Variants in COL4A4 observed in about 807,000 individuals in gnomAD.
COL4A4 encodes the protein collagen alpha-4(IV) chain.
COL4A4 carries 105 observed loss-of-function variants against 192.9 expected under a neutral mutation model. The observed-to-expected ratio is 0.54, with a 90% CI of 0.46 to 0.64. The LOEUF (loss-of-function observed/expected upper bound fraction) is 0.64. COL4A4 is among the 30% of genes least tolerant of loss of function. The pLI is 0.00. For synonymous variants in COL4A4, 762 were observed against 769.9 expected, an observed-to-expected ratio of 0.99 and a Z score of 0.17; for missense variants, 1,967 against 2,169.3, an observed-to-expected ratio of 0.91 and a Z score of 1.85.
chr2:227,157,849 T>G (rs2064478067), intron 1 of COL4A4, among the ~76,000 whole-genome samples: 3 of 151,992 alleles, frequency 2.0e-5, no homozygotes, highest in Non-Finnish European at 4.4e-5. Flanking sequence ...ATAATACCAG[T>G]TTTTTTATAT....
At chr2:227,162,503 A>T (rs2064921262) in intron 1 of COL4A4, among the ~76,000 whole-genome samples, 1 of 152,218 alleles carries the variant, frequency 6.6e-6, no homozygotes, top group Non-Finnish European at 1.5e-5. Context: ...ATTCCACAAG[A>T]GTGGCAGAAG....
intron 37 of COL4A4, among the ~76,000 whole-genome samples, chr2:227,037,347 G>T (rs2150030456): frequency 6.6e-6 from 1 of 152,238 alleles, no homozygotes; most frequent in East Asian, 1.9e-4. Flanking sequence ...TTGGTTTTCT[G>T]TTCCTGTGTT....
chr2:227,118,541 C>T, intron 7 of COL4A4, 104 bp downstream of exon 7: 1 of 901,734 alleles, frequency 1.1e-6, no homozygotes. Context: ...GACAATGCTC[C>T]AGGCACACTT....
At chr2:227,083,868 G>A (rs1328562604) in intron 22 of COL4A4, among the ~76,000 whole-genome samples, 1 of 152,144 alleles carries the variant, frequency 6.6e-6, no homozygotes, top group Non-Finnish European at 1.5e-5. Flanking sequence ...AGTGGAGATG[G>A]GCACAGTGGC....
In COL4A4 at chr2:227,007,182, C is replaced by T. The variant is rs1483299583; in HGVS notation, c.*143G>A. 8.4e-7 allele frequency: 1 copy of T among 1,186,524 alleles called. No individual in the cohort carries two copies. The highest frequency in any genetic ancestry group is 1.3e-6 in the Non-Finnish European group (1 of 795,114). 73.5% of individuals were successfully genotyped at this position (1,186,524 alleles called of 1,614,324 possible). ...GCTTAATGTGTAAGGAACCAGAGGACTCTGGGAATAACCACGACAAAACAG... is the reference window on the plus strand; with the variant it reads ...GCTTAATGTGTAAGGAACCAGAGGATTCTGGGAATAACCACGACAAAACAG... On this transcript the variant is annotated 3_prime_UTR_variant, in exon 48 of 48. Transcript: ENST00000396625.
downstream of COL4A4, chr2:226,997,789 TTATAAA>T (rs1435808594): frequency 6.6e-6 from 1 of 152,226 alleles, no homozygotes; most frequent in Non-Finnish European, 1.5e-5. Flanking sequence ...GTCATTTTAG[TTATAAA>T]TGTAAACCAA....
At position 227,140,384 on chromosome 2, in the gene COL4A4, T is replaced by C. The variant is rs1027719045; in HGVS notation, c.115-146A>G. 3 of 707,278 alleles carry C rather than the reference T, an allele frequency of 4.2e-6. No individual in the cohort carries two copies. In the African/African-American group the frequency reaches 5.3e-5, roughly 13 times the overall value. The allele number at this position is 707,278 out of a possible 1,614,324, so 43.8% of individuals were successfully genotyped here. ...CATGACATATAAAAAGATGAAGAACTTACACAGTAGCTTAATAATAAGGAG... is the reference window on the plus strand; with the variant it reads ...CATGACATATAAAAAGATGAAGAACCTACACAGTAGCTTAATAATAAGGAG... On this transcript the variant is annotated intron_variant, in intron 3 of 47. Transcript: ENST00000396625.
intron 37 of COL4A4, among the ~76,000 whole-genome samples, chr2:227,035,683 TC>T (rs1179352054): frequency 6.6e-6 from 1 of 152,194 alleles, no homozygotes; most frequent in East Asian, 1.9e-4. Flanking sequence ...ACACAGACCT[TC>T]TTTATCTGCC....
chr2:227,064,468 A>G (rs1465308095), intron 25 of COL4A4, among the ~76,000 whole-genome samples: 1 of 152,238 alleles, frequency 6.6e-6, no homozygotes, highest in Non-Finnish European at 1.5e-5. Flanking sequence ...AATTTGAGGC[A>G]GTTATTGAGG....
downstream of COL4A4, among the ~76,000 whole-genome samples, chr2:227,001,505 C>T (rs1960952425): frequency 6.6e-6 from 1 of 152,182 alleles, no homozygotes. Flanking sequence ...AAACAAGGGG[C>T]TTTGCAGTGA....
chr2:227,103,879 T>C lies in COL4A4; in HGVS notation c.816+93A>G, dbSNP rs972364382. ...GGTTTGAAACTAGTGCAGTGATGCA[T>C]AGAAAGACCTCTATACTTTGCTGCC... On this transcript the variant is annotated intron_variant, in intron 13 of 47. Coordinates refer to ENST00000396625, the MANE Select transcript of COL4A4 (RefSeq NM_000092.5). 1.5e-5 allele frequency: 14 copies of C among 918,010 alleles called. No individual in the cohort carries two copies. In the East Asian group the frequency reaches 2.3e-4, roughly 15 times the overall value. 56.9% of individuals were successfully genotyped at this position (918,010 alleles called of 1,614,324 possible).
chr2:226,995,336 C>T, the COL4A4 span: 25 of 743,316 alleles, frequency 3.4e-5, no homozygotes, highest in African/African-American at 3.7e-4. Flanking sequence ...ATGAAGATGA[C>T]ACCCAAGCTA....
At position 227,080,426 on chromosome 2, in the gene COL4A4, AG is replaced by A. The variant is rs2059262766; in HGVS notation, c.1803+16del. ...TAAGAAAGTGAAATTCTATAGCAAG[AG>A]AAGAATTCTACATACTGGAGGTCCT... On this transcript the variant is annotated intron_variant, in intron 24 of 47. Transcript: ENST00000396625. The A allele has an allele frequency of 6.3e-7, 1 of 1,594,314 alleles. No individual in the cohort carries two copies. Among genetic ancestry groups the A allele is most frequent in the Admixed American group, 1.7e-5 (1 of 59,992 alleles).
In COL4A4 at chr2:227,101,122, C is replaced by T. The variant is rs545094628; in HGVS notation, c.1029+382G>A. On this transcript the variant is annotated intron_variant, in intron 17 of 47. Transcript: ENST00000396625. The stretch of plus-strand genomic sequence containing the variant: ...CACGCCCAGCCTTTCCTGTGCTATT[C>T]TTGTGATAGTGAATGAGTCTCACAA... 1.6e-3 allele frequency among the ~76,000 whole-genome samples: 248 copies of T among 152,158 alleles called. 2 individuals are homozygous for T. Among genetic ancestry groups the T allele is most frequent in the Non-Finnish European group, 3.1e-3 (208 of 68,006 alleles).
At position 227,160,812 on chromosome 2, in the gene COL4A4, C is replaced by T. The variant is rs190318560; in HGVS notation, c.-102+3195G>A. ...AGATGATAGTGCAAGGCAGGAGCCACGAACTTAGAGAAGCAGAAGAGGAGT... is the reference window on the plus strand; with the variant it reads ...AGATGATAGTGCAAGGCAGGAGCCATGAACTTAGAGAAGCAGAAGAGGAGT... On this transcript the variant is annotated intron_variant, in intron 1 of 47. Transcript: ENST00000396625. Among the ~76,000 whole-genome samples the T allele has an allele frequency of 2.8e-3, 429 of 152,160 alleles. 5 individuals are homozygous for T. Among genetic ancestry groups the T allele is most frequent in the African/African-American group, 9.5e-3 (394 of 41,504 alleles).
At chr2:227,122,144 C>A (rs1320013208) in intron 4 of COL4A4, among the ~76,000 whole-genome samples, 1 of 152,186 alleles carries the variant, frequency 6.6e-6, no homozygotes, top group African/African-American at 2.4e-5. Flanking sequence ...CCTCAGAACC[C>A]ATGTCTCAGG....
intron 43 of COL4A4, among the ~76,000 whole-genome samples, chr2:227,024,370 G>C (rs1469851937): frequency 1.3e-5 from 2 of 152,164 alleles, no homozygotes; most frequent in African/African-American, 4.8e-5. Flanking sequence ...AAATTAGCCA[G>C]GTGTGGTGGC....
chr2:227,043,217 C>T (rs766961270), intron 35 of COL4A4, 33 bp from the exon 36 acceptor site: 16 of 1,539,166 alleles, frequency 1.0e-5, no homozygotes, highest in South Asian at 3.3e-5. Flanking sequence ...TCAGAGTTGC[C>T]GTTTGAGACA....
At chr2:226,988,814 C>T in the COL4A4 span, 1 of 619,808 alleles carries the variant, frequency 1.6e-6, no homozygotes, top group African/African-American at 2.0e-5. Context: ...TGAGAGTTAA[C>T]TACCAAGGCT....
Sources: allele counts gnomAD v4.1 joint callset (sites outside exome capture counted in the v4.1 genomes callset), GRCh38; gene constraint gnomAD v4.1.1; transcripts MANE v1.5; gene names NCBI Gene and HGNC (gene_info 2026-07-23, HGNC 2026-07-21).